The following RAB37 variants were observed in gnomAD, a reference collection of about 807,000 sequenced individuals.
The protein encoded by RAB37 is ras-related protein Rab-37.
Under a neutral mutation model 33.1 loss-of-function variants are expected in RAB37, and 29 were observed. The ratio of observed to expected loss-of-function variants is 0.88; its 90% CI spans 0.65 to 1.20. The LOEUF (loss-of-function observed/expected upper bound fraction) is 1.20, where lower values mean the gene tolerates loss of function less well. RAB37 is among the 50% of genes most tolerant of loss of function. The probability of loss-of-function intolerance (pLI) is 0.00; values close to 1 mark genes in which losing one functional copy is unlikely to be tolerated. For missense variants in RAB37, 299 were observed against 301.1 expected (o/e 0.99, Z 0.05); for synonymous variants, 128 against 119.5 (o/e 1.07, Z -0.47).
At chr17:74,727,790 T>C (rs1567809430) in intron 1 of RAB37, among the ~76,000 whole-genome samples, 1 of 152,112 alleles carries the variant, frequency 6.6e-6, no homozygotes, top group Non-Finnish European at 1.5e-5. Flanking sequence ...ATCGAGACTT[T>C]AGTGTGTTTG....
chr17:74,744,832 G>C lies in RAB37; in HGVS notation c.433-41G>C. The C allele has an allele frequency of 1.2e-6, 2 of 1,611,478 alleles. No homozygotes were observed. Among genetic ancestry groups the C allele is most frequent in the Non-Finnish European group, 1.7e-6 (2 of 1,177,562 alleles). ...GGGCAAAATATGGGCCCGCTGGGGC[G>C]GAGGCCTCCTTCCCCAGAGTGACCC... On this transcript the variant is annotated intron_variant, in intron 6 of 8. Transcript: ENST00000392613. The surrounding 1 kb of genome is among the most constrained non-coding windows in gnomAD (Gnocchi z 4.2).
chr17:74,702,993 G>C, intron 1 of RAB37: 2 of 1,515,234 alleles, frequency 1.3e-6, no homozygotes, highest in Non-Finnish European at 1.8e-6. Flanking sequence ...CATTGGAGGA[G>C]TTTGGGCCAA....
intron 1 of RAB37, chr17:74,694,183 G>A (rs894368422): frequency 1.3e-5 from 2 of 152,200 alleles, no homozygotes; most frequent in African/African-American, 4.8e-5. Flanking sequence ...AAAGGGGACA[G>A]TAATAGAAGT....
chr17:74,705,396 A>G, intron 1 of RAB37: 1 of 538,096 alleles, frequency 1.9e-6, no homozygotes, highest in Non-Finnish European at 3.4e-6. Context: ...TCCATACAAC[A>G]CAGATCCCAC....
At chr17:74,687,808 G>A (rs190800789) in intron 1 of RAB37, among the ~76,000 whole-genome samples, 25 of 152,258 alleles carry the variant, frequency 1.6e-4, no homozygotes, top group East Asian at 5.8e-4. Flanking sequence ...AGTGTGAACC[G>A]GATCCATGGC....
At chr17:74,674,850 C>T (rs2031789338) in intron 1 of RAB37, among the ~76,000 whole-genome samples, 1 of 152,142 alleles carries the variant, frequency 6.6e-6, no homozygotes, top group African/African-American at 2.4e-5. Context: ...CAAACACCCT[C>T]CCCCAGAGAT....
chr17:74,719,594 A>ATCACAGCAGTCCTAC (rs1181578255), intron 1 of RAB37, among the ~76,000 whole-genome samples: 1 of 152,072 alleles, frequency 6.6e-6, no homozygotes, highest in Non-Finnish European at 1.5e-5. Flanking sequence ...TGCAGCTGTA[A>ATCACAGCAGTCCTAC]TTCTGGAAAA....
At chr17:74,733,301 G>C (rs1322017993), upstream of RAB37, among the ~76,000 whole-genome samples, 1 of 152,046 alleles carries the variant, frequency 6.6e-6, no homozygotes, top group East Asian at 1.9e-4. Flanking sequence ...TTGTGTGTGG[G>C]ACATGTTATG....
chr17:74,675,365 G>A (rs2031806547), intron 1 of RAB37, among the ~76,000 whole-genome samples: 1 of 151,820 alleles, frequency 6.6e-6, no homozygotes, highest in African/African-American at 2.4e-5. Flanking sequence ...AACCTGGGAG[G>A]CAGAGGTTGC....
upstream of RAB37, chr17:74,736,459 C>T (rs1334203538): frequency 6.2e-6 from 8 of 1,288,856 alleles, no homozygotes; most frequent in East Asian, 2.2e-4. Flanking sequence ...ATCCTGGCAG[C>T]TCTGCTCAAA....
chr17:74,722,038 G>C (rs1448327856), intron 1 of RAB37, among the ~76,000 whole-genome samples: 1 of 152,052 alleles, frequency 6.6e-6, no homozygotes, highest in Non-Finnish European at 1.5e-5. Context: ...GCTCACGCCT[G>C]TAATCCCAGC....
At chr17:74,694,224 TTAC>T (rs2032233396) in intron 1 of RAB37, 1 of 152,210 alleles carries the variant, frequency 6.6e-6, no homozygotes, top group Non-Finnish European at 1.5e-5. Flanking sequence ...ATTAAATTAG[TTAC>T]TACATGGGAA....
rs1236059729 is a variant in RAB37, at chr17:74,730,009, C to T, written c.183+643C>T. Reference sequence around the variant, plus strand: ...AAAAGGGCAGCTCGGGTTAAGGAAGCCCAGTGCCCTCGGCTTTTTCTGCCC... The same window carrying T: ...AAAAGGGCAGCTCGGGTTAAGGAAGTCCAGTGCCCTCGGCTTTTTCTGCCC... On this transcript the variant is annotated intron_variant, in intron 2 of 7. Transcript: ENST00000340415. The surrounding 1 kb of genome is among the most constrained non-coding windows in gnomAD (Gnocchi z 4.4). Among the ~76,000 whole-genome samples, 1 of 152,136 alleles carries T rather than the reference C, an allele frequency of 6.6e-6. No individual in the cohort carries two copies. The highest frequency in any genetic ancestry group is 2.4e-5 in the African/African-American group (1 of 41,424).
intron 1 of RAB37, among the ~76,000 whole-genome samples, chr17:74,682,852 C>T (rs529327133): frequency 3.7e-4 from 56 of 152,096 alleles, no homozygotes; most frequent in Non-Finnish European, 6.2e-4. Context: ...TGCGGTGAGC[C>T]GAGATTGCAC....
intron 1 of RAB37, among the ~76,000 whole-genome samples, chr17:74,714,472 GC>G (rs2034132969): frequency 6.6e-6 from 1 of 151,324 alleles, no homozygotes; most frequent in Non-Finnish European, 1.5e-5. Context: ...GGAGATGCAA[GC>G]AGGGAACTAC....
At chr17:74,685,950 C>G (rs1337677451) in intron 1 of RAB37, among the ~76,000 whole-genome samples, 1 of 152,168 alleles carries the variant, frequency 6.6e-6, no homozygotes, top group Non-Finnish European at 1.5e-5. Context: ...AACAGCATCC[C>G]CTGGGGATTT....
rs1281482883 is a variant in RAB37, at chr17:74,695,682, TC to T, written c.72+24029del. The T allele has an allele frequency of 3.0e-5, 48 of 1,612,514 alleles. No homozygotes were observed. The Middle Eastern group carries it at 8.4e-4, about 28-fold the overall frequency. ...AACGGGGTGCAACGGCAGGCCTGTG[TC>T]CCCCTGCCCCAGCCTCACAGCAGCC... On this transcript the variant is annotated intron_variant, in intron 1 of 7. Transcript: ENST00000340415.
intron 1 of RAB37, among the ~76,000 whole-genome samples, chr17:74,726,203 C>T (rs1351636699): frequency 6.7e-6 from 1 of 150,374 alleles, no homozygotes; most frequent in Non-Finnish European, 1.5e-5. Context: ...ACACCGCATT[C>T]CAGCCTGGGC....
chr17:74,740,938 G>A (rs2034599321), intron 2 of RAB37, 60 bp downstream of exon 2: 5 of 1,318,958 alleles, frequency 3.8e-6, no homozygotes, highest in Admixed American at 1.7e-5. Flanking sequence ...TCAGGCATGG[G>A]GGGGTTGCCC....
Sources: gnomAD v4.1 joint callset for allele counts (sites outside exome capture counted in the v4.1 genomes callset) on GRCh38, gnomAD v4.1.1 for gene constraint, Gnocchi (gnomAD v3.1) non-coding constraint, MANE v1.5 for transcripts, NCBI Gene and HGNC (gene_info 2026-07-23, HGNC 2026-07-21) for gene names.